CPSF1: variants seen among roughly 807,000 people sequenced by gnomAD.
The protein encoded by CPSF1 is cleavage and polyadenylation specificity factor subunit 1.
A neutral mutation model predicts 175.8 loss-of-function variants in CPSF1; 106 were observed. The observed-to-expected ratio is 0.60, with a 90% CI of 0.52 to 0.71. The LOEUF is 0.71. Among genes scored for constraint, CPSF1 ranks in the 30% least tolerant of loss-of-function variants. The probability of loss-of-function intolerance (pLI) is 0.00; values close to 1 mark genes in which losing one functional copy is unlikely to be tolerated. For synonymous variants in CPSF1, 1,024 were observed against 858.3 expected (o/e 1.19, Z -3.37); for missense variants, 1,734 against 2,022.9 (o/e 0.86, Z 2.74).
At chr8:144,406,541 CT>C (rs1270969725) in intron 2 of CPSF1, among the ~76,000 whole-genome samples, 3 of 152,232 alleles carry the variant, frequency 2.0e-5, no homozygotes, top group African/African-American at 7.2e-5. Context: ...CTGTCTTTGT[CT>C]ATATTCTGGG....
chr8:144,401,562 C>T lies in CPSF1; in HGVS notation c.174G>A (p.Glu58=). 1 of 1,613,546 alleles carries T rather than the reference C, an allele frequency of 6.2e-7. No individual in the cohort carries two copies. The highest frequency in any genetic ancestry group is 8.5e-7 in the Non-Finnish European group (1 of 1,179,816). ...CGAGCTTCTCCCGGTGGGCCTTCCC[C>T]TCTAGGGGAGACACCAGGGCTCAGG... The part of the protein sequence containing the change: ...EALTKNDRST[E]GKAHREKLEL... Residue 58 remains glutamate, a splice_region_variant and synonymous_variant, in exon 4 of 38, where the codon GAG becomes GAA. Transcript: ENST00000616140.
At position 144,397,614 on chromosome 8, in the gene CPSF1, G is replaced by A; in HGVS notation, c.2258C>T (p.Ser753Phe). 1 of 1,534,856 alleles carries A rather than the reference G, an allele frequency of 6.5e-7. No homozygotes were observed. Among genetic ancestry groups the A allele is most frequent in the Non-Finnish European group, 8.8e-7 (1 of 1,136,784 alleles). ...CTCCTCCTTGCTGGGGCTGAAGAGG[G>A]AGCCCGAATCCCCATACAGCATCTC... ...EEEMLYGDSG[S>F]LFSPSKEEAR... Residue 753 changes from serine (S) to phenylalanine (F), a missense_variant, in exon 22 of 38, where the codon TCC (serine) becomes TTC (phenylalanine). Transcript: ENST00000616140.
chr8:144,408,778 A>C (rs946249457), intron 2 of CPSF1, among the ~76,000 whole-genome samples: 1 of 152,228 alleles, frequency 6.6e-6, no homozygotes, highest in South Asian at 2.1e-4. Context: ...AGAGCAAACA[A>C]GACGGCTAGG....
At position 144,401,640 on chromosome 8, in the gene CPSF1, A is replaced by G. The variant is rs1252229044; in HGVS notation, c.172+6T>C. 5.0e-6 allele frequency: 8 copies of G among 1,610,814 alleles called. No individual in the cohort carries two copies. The Admixed American group carries it at 1.3e-4, about 27-fold the overall frequency. Reference sequence around the variant, plus strand: ...GCACAGCCCCAGGCCGCCCCACCACACTCACCTGTGCTCCTGTCATTCTTG... The same window carrying G: ...GCACAGCCCCAGGCCGCCCCACCACGCTCACCTGTGCTCCTGTCATTCTTG... On this transcript the variant is annotated splice_donor_region_variant and intron_variant, in intron 3 of 37. Transcript: ENST00000616140.
intron 2 of CPSF1, among the ~76,000 whole-genome samples, chr8:144,402,480 T>C (rs1189481023): frequency 1.5e-4 from 23 of 152,104 alleles, no homozygotes; most frequent in Non-Finnish European, 3.1e-4. Context: ...AATTTTTGTA[T>C]TTTTAGTAGA....
intron 2 of CPSF1, among the ~76,000 whole-genome samples, chr8:144,402,045 T>C (rs1821237374): frequency 6.6e-6 from 1 of 152,126 alleles, no homozygotes; most frequent in Non-Finnish European, 1.5e-5. Flanking sequence ...TGGGTCCAAA[T>C]GTCACAGGGC....
Position 144,399,844 on chromosome 8 carries a change from G to A in CPSF1, c.1056C>T (p.Asp352=), listed in dbSNP as rs1440672663. The stretch of plus-strand genomic sequence containing the variant: ...GGAACGCTCGGACACTGCGCATGCC[G>A]TCGGTGATGAGGGTCAGCACGTAGC... ...GEIYVLTLIT[D]GMRSVRAFHF... The change falls in exon 11 of 38, where the codon GAC becomes GAT. Residue 352 remains aspartate (D), a synonymous_variant. Coordinates refer to ENST00000616140, the MANE Select transcript of CPSF1 (RefSeq NM_013291.3). The surrounding 1 kb of genome is among the most constrained non-coding windows in gnomAD (Gnocchi z 6.4). 29 of 1,554,604 alleles carry A rather than the reference G, an allele frequency of 1.9e-5. No individual in the cohort carries two copies. The highest frequency in any genetic ancestry group is 3.9e-5 in the Admixed American group (2 of 51,260).
chr8:144,393,679 G>T lies in CPSF1; in HGVS notation c.4133C>A (p.Pro1378His). ...GGCCGGGGCTCACCGGAAGGCGCGGGGGTTGAGGCCGGCGTGGTGTGGCAG... is the reference window on the plus strand; with the variant it reads ...GGCCGGGGCTCACCGGAAGGCGCGGTGGTTGAGGCCGGCGTGGTGTGGCAG... ...TMLPHHAGLN[P>H]RAFRMLHVDR... Residue 1378 changes from proline to histidine, a missense_variant, in exon 36 of 38, where the codon CCC becomes CAC. Physicochemically the swap from Pro to His is moderately conservative, Grantham distance 77. Transcript: ENST00000616140. 1 of 1,564,086 alleles carries T rather than the reference G, an allele frequency of 6.4e-7. No individual in the cohort carries two copies.
chr8:144,404,562 G>A (rs1248038453), intron 2 of CPSF1, among the ~76,000 whole-genome samples: 4 of 150,960 alleles, frequency 2.6e-5, no homozygotes, highest in African/African-American at 9.7e-5. Flanking sequence ...TAGACTCGGG[G>A]TTTCACCATC....
At chr8:144,403,607 C>T (rs1414890968) in intron 2 of CPSF1, among the ~76,000 whole-genome samples, 1 of 151,832 alleles carries the variant, frequency 6.6e-6, no homozygotes, top group Admixed American at 6.6e-5. Flanking sequence ...GGCTGGAGGG[C>T]AGTAGTGTGA....
In CPSF1 at chr8:144,396,510, G is replaced by A. The variant is rs782408577; in HGVS notation, c.2827-10C>T. 73 of 1,611,428 alleles carry A rather than the reference G, an allele frequency of 4.5e-5. No homozygotes were observed. The highest frequency in any genetic ancestry group is 5.9e-5 in the Non-Finnish European group (69 of 1,179,062). On this transcript the variant is annotated splice_polypyrimidine_tract_variant and intron_variant, in intron 25 of 37. Coordinates refer to ENST00000616140, the MANE Select transcript of CPSF1 (RefSeq NM_013291.3). ...GGCCGCAGATGAAGACCTGGGGGCA[G>A]GCACCGTGAGGATGCTGTGGATGAG...
chr8:144,403,448 A>T (rs1025037466), intron 2 of CPSF1, among the ~76,000 whole-genome samples: 9 of 151,950 alleles, frequency 5.9e-5, no homozygotes, highest in Non-Finnish European at 2.9e-5. Context: ...CAGAGGAGCA[A>T]TCATGTTTCA....
At chr8:144,407,608 A>C (rs1378430495) in intron 2 of CPSF1, among the ~76,000 whole-genome samples, 1 of 152,210 alleles carries the variant, frequency 6.6e-6, no homozygotes, top group African/African-American at 2.4e-5. Context: ...CTGAGGCACA[A>C]GAATTGCCTG....
At position 144,399,079 on chromosome 8, in the gene CPSF1, C is replaced by CGAGTCCTGTG; in HGVS notation, c.1468-42_1468-41insCACAGGACTC. The CGAGTCCTGTG allele has an allele frequency of 1.3e-6, 2 of 1,546,852 alleles. No homozygotes were observed. Among genetic ancestry groups the CGAGTCCTGTG allele is most frequent in the Non-Finnish European group, 1.7e-6 (2 of 1,145,014 alleles). ...GGGTGAGGACTATGCCCCCCACCCC[C>CGAGTCCTGTG]CCTCACACTCCAGCCCCTGCCCCCA... is the stretch of plus-strand genomic sequence containing the variant. On this transcript the variant is annotated intron_variant, in intron 15 of 37. Transcript: ENST00000616140. The surrounding 1 kb of genome is among the most constrained non-coding windows in gnomAD (Gnocchi z 6.4).
rs1554862765 is a variant in CPSF1, at chr8:144,394,434, CTCT to C, written c.3686_3688del (p.Lys1229del). On this transcript the variant is annotated inframe_deletion, in exon 32 of 38. Coordinates refer to ENST00000616140, the MANE Select transcript of CPSF1 (RefSeq NM_013291.3). ...CTCCTGGTAGCGCAGCAGCGAAATG[CTCT>C]TCATGACGTCGGCTGCCAGGATGAA... 4 of 1,608,182 alleles carry C rather than the reference CTCT, an allele frequency of 2.5e-6. No homozygotes were observed. The highest frequency in any genetic ancestry group is 2.5e-6 in the Non-Finnish European group (3 of 1,177,982).
intron 2 of CPSF1, among the ~76,000 whole-genome samples, chr8:144,407,548 G>A (rs921863751): frequency 6.6e-6 from 1 of 152,116 alleles, no homozygotes; most frequent in East Asian, 1.9e-4. Flanking sequence ...TTAGCCGGGC[G>A]TGGTGTCACA....
rs782448023 is a variant in CPSF1 at position 144,394,152 on chromosome 8, G to T, written c.3820C>A (p.Arg1274Ser). The T allele has an allele frequency of 6.2e-7, 1 of 1,612,708 alleles. No homozygotes were observed. The highest frequency in any genetic ancestry group is 8.5e-7 in the Non-Finnish European group (1 of 1,179,944). ...NAQLGFLVSD[R>S]DRNLMVYMYL... Reference sequence around the variant, plus strand: ...ATGTACACCATGAGGTTGCGGTCGCGGTCAGACACTGGGGAGCAGAGGCCC... The same window carrying T: ...ATGTACACCATGAGGTTGCGGTCGCTGTCAGACACTGGGGAGCAGAGGCCC... The change falls in exon 34 of 38, where the codon CGC becomes AGC. Residue 1274 changes from arginine (R) to serine (S), a missense_variant. Arg to Ser is a moderately radical substitution (Grantham distance 110, BLOSUM62 -1). Coordinates refer to ENST00000616140, the MANE Select transcript of CPSF1 (RefSeq NM_013291.3).
At chr8:144,408,707 C>T (rs1554869827) in intron 2 of CPSF1, among the ~76,000 whole-genome samples, 1 of 152,208 alleles carries the variant, frequency 6.6e-6, no homozygotes, top group Non-Finnish European at 1.5e-5. Context: ...CACATGGTAT[C>T]TCTGCTACCC....
At position 144,394,692 on chromosome 8, in the gene CPSF1, G is replaced by C. The variant is rs140031041; in HGVS notation, c.3519C>G (p.Thr1173=). ...LYEKEQKGPV[T]ALCHCNGHLV... ...GGTGGCCATTGCAGTGGCACAGGGC[G>C]GTCACGGGCCCCTTCTGCTCCTTCT... The change falls in exon 31 of 38, where the codon ACC becomes ACG. Residue 1173 remains threonine (T), a synonymous_variant. Transcript: ENST00000616140. 6.2e-7 allele frequency: 1 copy of C among 1,612,500 alleles called. No individual in the cohort carries two copies.
Sources: allele counts gnomAD v4.1 joint callset (sites outside exome capture counted in the v4.1 genomes callset), GRCh38; gene constraint gnomAD v4.1.1; non-coding constraint Gnocchi (gnomAD v3.1); transcripts MANE v1.5; gene names NCBI Gene and HGNC (gene_info 2026-07-23, HGNC 2026-07-21).